MACROH2A1: variants seen among roughly 807,000 people sequenced by gnomAD.
MACROH2A1 encodes the protein macroH2A.1 histone.
A neutral mutation model predicts 31.6 loss-of-function variants in MACROH2A1; 2 were observed. The ratio of observed to expected loss-of-function variants is 0.06; its 90% confidence interval spans 0.03 to 0.20. The LOEUF (loss-of-function observed/expected upper bound fraction) is 0.20, where lower values mean the gene tolerates loss of function less well. Ranked by LOEUF, MACROH2A1 falls within the 10% of genes least tolerant of loss-of-function variation. The probability of loss-of-function intolerance (pLI) is 1.00; values close to 1 mark genes in which losing one functional copy is unlikely to be tolerated. For missense variants in MACROH2A1, 230 were observed against 474.0 expected (o/e 0.49, Z 4.78); for synonymous variants, 169 against 189.6 (o/e 0.89, Z 0.89).
chr5:135,378,209 G>A (rs1002992632), intron 2 of MACROH2A1, among the ~76,000 whole-genome samples: 1 of 152,238 alleles, frequency 6.6e-6, no homozygotes. Context: ...GACGCCTGCT[G>A]TGGCTCCTCA....
At chr5:135,395,655 C>T (rs1238802559) in intron 1 of MACROH2A1, among the ~76,000 whole-genome samples, 1 of 152,222 alleles carries the variant, frequency 6.6e-6, no homozygotes, top group East Asian at 1.9e-4. Flanking sequence ...GTGTCACCCG[C>T]TGTCATGTCC....
chr5:135,396,011 CAAG>C (rs1767923087), intron 1 of MACROH2A1, among the ~76,000 whole-genome samples: 1 of 152,168 alleles, frequency 6.6e-6, no homozygotes, highest in Non-Finnish European at 1.5e-5. Context: ...TTACCACAAG[CAAG>C]AAACAGTTTT....
chr5:135,388,712 T>C (rs1019524478), intron 2 of MACROH2A1, among the ~76,000 whole-genome samples: 1 of 152,218 alleles, frequency 6.6e-6, no homozygotes, highest in Non-Finnish European at 1.5e-5. Context: ...TATGCCTGCA[T>C]GCACACACAC....
chr5:135,335,244 T>TA, intron 8 of MACROH2A1, 103 bp from the exon 9 acceptor site: 1 of 844,562 alleles, frequency 1.2e-6, no homozygotes, highest in Non-Finnish European at 1.9e-6. Context: ...GCTTGCCTTG[T>TA]GTTGGGTCGG....
intron 2 of MACROH2A1, among the ~76,000 whole-genome samples, chr5:135,374,594 C>A (rs1430643261): frequency 6.6e-6 from 1 of 152,306 alleles, no homozygotes; most frequent in South Asian, 2.1e-4. Flanking sequence ...GTGAATGGAG[C>A]CGATGCCTTC....
intron 8 of MACROH2A1, among the ~76,000 whole-genome samples, chr5:135,341,761 T>C (rs1759914370): frequency 6.6e-6 from 1 of 152,190 alleles, no homozygotes; most frequent in African/African-American, 2.4e-5. Context: ...CTCTCTATCC[T>C]CTAGAAAGTT....
Position 135,334,599 on chromosome 5 carries a change from C to G in MACROH2A1, c.*377G>C, listed in dbSNP as rs1758366175. 1 of 189,336 alleles carries G rather than the reference C, an allele frequency of 5.3e-6. No individual in the cohort carries two copies. Among genetic ancestry groups the G allele is most frequent in the East Asian group, 1.5e-4 (1 of 6,600 alleles). The allele number at this position is 189,336 out of a possible 1,614,324, so 11.7% of individuals were successfully genotyped here. A position where few individuals can be genotyped will look rare whatever the true frequency, so the allele number is the denominator to read the frequency against. Reference sequence around the variant, plus strand: ...AAAAAGAACGCCACTGGAGGATGTACAATAAAGCACCACAACACACGCTTA... The same window carrying G: ...AAAAAGAACGCCACTGGAGGATGTAGAATAAAGCACCACAACACACGCTTA... On this transcript the variant is annotated 3_prime_UTR_variant, in exon 9 of 9. Transcript: ENST00000511689.
intron 4 of MACROH2A1, among the ~76,000 whole-genome samples, chr5:135,363,924 G>C (rs1419186303): frequency 6.6e-6 from 1 of 152,214 alleles, no homozygotes; most frequent in East Asian, 1.9e-4. Flanking sequence ...CTGATGACCA[G>C]TGATGATGAG....
At chr5:135,373,471 TCTTA>T (rs1482428391) in intron 2 of MACROH2A1, among the ~76,000 whole-genome samples, 3 of 152,082 alleles carry the variant, frequency 2.0e-5, no homozygotes, top group Non-Finnish European at 4.4e-5. Context: ...CCCTTTATGC[TCTTA>T]CTTTGTGACT....
intron 7 of MACROH2A1, 112 bp downstream of exon 7, chr5:135,345,856 A>T: frequency 1.4e-6 from 1 of 724,448 alleles, no homozygotes; most frequent in Non-Finnish European, 2.5e-6. Flanking sequence ...CTCCATCTTG[A>T]AGATGCGGCT....
intron 5 of MACROH2A1, chr5:135,355,082 T>C: frequency 2.2e-6 from 1 of 456,076 alleles, no homozygotes; most frequent in South Asian, 1.5e-5. Context: ...AATGTTTCAT[T>C]GGAAAAGAAG....
chr5:135,397,853 CTG>C (rs1003985343), intron 1 of MACROH2A1, among the ~76,000 whole-genome samples: 8 of 152,104 alleles, frequency 5.3e-5, no homozygotes, highest in African/African-American at 1.7e-4. Context: ...AAACCTAAGA[CTG>C]TTAAAAAATG....
intron 2 of MACROH2A1, among the ~76,000 whole-genome samples, chr5:135,383,187 G>C (rs1320033186): frequency 6.6e-6 from 1 of 152,224 alleles, no homozygotes; most frequent in Non-Finnish European, 1.5e-5. Context: ...ATCCACCATG[G>C]AATCATCTAT....
intron 2 of MACROH2A1, among the ~76,000 whole-genome samples, chr5:135,385,340 C>A (rs61424623): frequency 1.3e-5 from 2 of 152,226 alleles, no homozygotes; most frequent in Admixed American, 6.5e-5. Flanking sequence ...CTGTCTCCCC[C>A]CTTGCAGCAC....
At chr5:135,339,407 C>T (rs1759391048) in intron 8 of MACROH2A1, among the ~76,000 whole-genome samples, 1 of 152,178 alleles carries the variant, frequency 6.6e-6, no homozygotes, top group South Asian at 2.1e-4. Flanking sequence ...CACTAAGCAC[C>T]CCTGCTCTCA....
chr5:135,340,794 G>T (rs532000986), intron 8 of MACROH2A1, among the ~76,000 whole-genome samples: 51 of 152,320 alleles, frequency 3.3e-4, no homozygotes, highest in African/African-American at 1.2e-3. Flanking sequence ...TGATTTACTG[G>T]CCGGCTCTGG....
intron 2 of MACROH2A1, among the ~76,000 whole-genome samples, chr5:135,388,659 G>A (rs1233024438): frequency 6.6e-6 from 1 of 152,124 alleles, no homozygotes; most frequent in Non-Finnish European, 1.5e-5. Context: ...ATTTCAAAAT[G>A]GACTATGTAA....
chr5:135,344,361 C>T (rs1022738458), intron 7 of MACROH2A1: 2 of 152,008 alleles, frequency 1.3e-5, no homozygotes, highest in African/African-American at 4.8e-5. Flanking sequence ...ATTTGGTTGG[C>T]TATTTCTGAA....
At chr5:135,342,286 A>G (rs1408130917) in intron 8 of MACROH2A1, among the ~76,000 whole-genome samples, 1 of 152,124 alleles carries the variant, frequency 6.6e-6, no homozygotes, top group East Asian at 1.9e-4. Flanking sequence ...TAATTTCTAG[A>G]GCAACCCTGA....
Sources: gnomAD v4.1 joint callset for allele counts (sites outside exome capture counted in the v4.1 genomes callset) on GRCh38, gnomAD v4.1.1 for gene constraint, MANE v1.5 for transcripts, NCBI Gene and HGNC (gene_info 2026-07-23, HGNC 2026-07-21) for gene names.